PDE10A: variants seen among roughly 807,000 people sequenced by gnomAD.
PDE10A encodes the protein phosphodiesterase 10A, also known as cAMP and cAMP-inhibited cGMP 3',5'-cyclic phosphodiesterase 10A.
Under a neutral mutation model 97.7 loss-of-function variants are expected in PDE10A, and 39 were observed. The ratio of observed to expected loss-of-function variants is 0.40; its 90% CI spans 0.31 to 0.52. PDE10A has a LOEUF of 0.52. Among genes scored for constraint, PDE10A ranks in the 20% least tolerant of loss-of-function variants. The pLI is 0.56. For synonymous variants in PDE10A, 371 were observed against 376.8 expected (o/e 0.98, Z 0.18); for missense variants, 731 against 1,047.8 (o/e 0.70, Z 4.17).
intron 3 of PDE10A, among the ~76,000 whole-genome samples, chr6:165,472,314 G>A (rs1779061349): frequency 6.6e-6 from 1 of 151,574 alleles, no homozygotes; most frequent in African/African-American, 2.4e-5. Context: ...AATCTCCCTG[G>A]TGTCCATATT....
chr6:165,680,072 A>G (rs1790934316), intron 1 of PDE10A, among the ~76,000 whole-genome samples: 1 of 152,124 alleles, frequency 6.6e-6, no homozygotes, highest in Non-Finnish European at 1.5e-5. Flanking sequence ...TGGGGTACCC[A>G]TGTGGGTGCT....
intron 1 of PDE10A, among the ~76,000 whole-genome samples, chr6:165,950,181 T>C (rs1315048288): frequency 6.6e-6 from 1 of 152,170 alleles, no homozygotes; most frequent in Non-Finnish European, 1.5e-5. Flanking sequence ...ATGTTTAAAA[T>C]AAAATTGAAT....
In PDE10A at chr6:165,418,512, T is replaced by C. The variant is rs1788476205; in HGVS notation, c.1796+123A>G. On this transcript the variant is annotated intron_variant, in intron 11 of 21. Coordinates refer to ENST00000539869, the MANE Select transcript of PDE10A (RefSeq NM_001385079.1). This position sits in a 1 kb window ranked among gnomAD's most constrained non-coding sequence, Gnocchi z 4.8. The stretch of plus-strand genomic sequence containing the variant: ...ACTACCTTCAGGAGGCGGGTCCTGG[T>C]GGGAATGATATCACAGTATGACAAG... 1 of 890,326 alleles carries C rather than the reference T, an allele frequency of 1.1e-6. No individual in the cohort carries two copies. The allele number at this position is 890,326 out of a possible 1,614,324, so 55.2% of individuals were successfully genotyped here.
At position 165,392,429 on chromosome 6, in the gene PDE10A, T is replaced by G. The variant is rs567185958; in HGVS notation, c.2454+217A>C. Among the ~76,000 whole-genome samples the G allele has an allele frequency of 2.6e-5, 4 of 152,230 alleles. 1 individual carries two copies. Among genetic ancestry groups the G allele is most frequent in the Non-Finnish European group, 5.9e-5 (4 of 68,040 alleles). On this transcript the variant is annotated intron_variant, in intron 16 of 21. Coordinates refer to ENST00000539869, the MANE Select transcript of PDE10A (RefSeq NM_001385079.1). Reference sequence around the variant, plus strand: ...AATTAGTATTTCCTTGGGGGATATTTTGATGAAGTTAAAATTTCTTTTATC... The same window carrying G: ...AATTAGTATTTCCTTGGGGGATATTGTGATGAAGTTAAAATTTCTTTTATC...
chr6:165,786,887 C>T (rs997509270), intron 1 of PDE10A, among the ~76,000 whole-genome samples: 1 of 152,034 alleles, frequency 6.6e-6, no homozygotes, highest in African/African-American at 2.4e-5. Flanking sequence ...AATTAGGTTG[C>T]TAATTTCAAA....
chr6:165,694,772 G>A (rs1327196415), intron 1 of PDE10A, among the ~76,000 whole-genome samples: 1 of 152,192 alleles, frequency 6.6e-6, no homozygotes, highest in Admixed American at 6.5e-5. Flanking sequence ...AGATGAGAAG[G>A]GAATGTTGAT....
intron 1 of PDE10A, among the ~76,000 whole-genome samples, chr6:165,658,381 T>C (rs184989886): frequency 7.9e-5 from 12 of 152,300 alleles, no homozygotes; most frequent in African/African-American, 2.2e-4. Context: ...CCATTTTTTT[T>C]CCCATCTTAT....
chr6:165,928,194 G>C (rs1783005530), intron 1 of PDE10A, among the ~76,000 whole-genome samples: 1 of 152,078 alleles, frequency 6.6e-6, no homozygotes, highest in African/African-American at 2.4e-5. Flanking sequence ...TAAAAAGGGG[G>C]AAAACATGGG....
chr6:165,470,392 TA>T (rs1446092558), intron 3 of PDE10A, among the ~76,000 whole-genome samples: 2 of 152,248 alleles, frequency 1.3e-5, no homozygotes, highest in African/African-American at 4.8e-5. Context: ...CTTTGAAACT[TA>T]TTGAAAATTG....
At position 165,606,144 on chromosome 6, in the gene PDE10A, C is replaced by T. The variant is rs193207981; in HGVS notation, c.865+55803G>A. Among the ~76,000 whole-genome samples the T allele has an allele frequency of 7.6e-4, 86 of 112,578 alleles. 2 individuals carry two copies. The East Asian group carries it at 0.021, about 28-fold the overall frequency. 73.9% of individuals were successfully genotyped at this position (112,578 alleles called of 152,430 possible). A position where few individuals can be genotyped will look rare whatever the true frequency, so the allele number is the denominator to read the frequency against. ...GACCTTGAGCAAATTATTAACATTA[C>T]GAACAAGCGAAAAAAAAAAAAAAAA... is the stretch of plus-strand genomic sequence containing the variant. On this transcript the variant is annotated intron_variant, in intron 1 of 21. Transcript: ENST00000539869.
At position 165,735,156 on chromosome 6, in the gene PDE10A, G is replaced by A. The variant is rs190185707; in HGVS notation, c.-614-191588C>T. Reference sequence around the variant, plus strand: ...GGTAGATAAATAGGTAGGTAGGTAGGTGGATCAATAGGGAGATGATAGATC... The same window carrying A: ...GGTAGATAAATAGGTAGGTAGGTAGATGGATCAATAGGGAGATGATAGATC... On this transcript the variant is annotated intron_variant, in intron 1 of 19. Transcript: ENST00000366882. 2.3e-3 allele frequency among the ~76,000 whole-genome samples: 344 copies of A among 151,924 alleles called. 2 individuals are homozygous for A. The highest frequency in any genetic ancestry group is 8.0e-3 in the African/African-American group (331 of 41,434).
At chr6:165,481,973 G>C (rs1432342681) in intron 3 of PDE10A, among the ~76,000 whole-genome samples, 2 of 152,150 alleles carry the variant, frequency 1.3e-5, no homozygotes, top group Admixed American at 6.5e-5. Flanking sequence ...TGGGAAGACT[G>C]CTGCCCTGTG....
chr6:165,876,870 G>T (rs1781358233), intron 1 of PDE10A, among the ~76,000 whole-genome samples: 1 of 152,186 alleles, frequency 6.6e-6, no homozygotes, highest in Admixed American at 6.5e-5. Context: ...CTGAAGTCCT[G>T]AATCCAGCAA....
chr6:165,644,878 T>C (rs1351043859), intron 1 of PDE10A, among the ~76,000 whole-genome samples: 1 of 152,214 alleles, frequency 6.6e-6, no homozygotes, highest in Admixed American at 6.5e-5. Flanking sequence ...AGCGTGATTG[T>C]CTGGATTTAC....
intron 2 of PDE10A, among the ~76,000 whole-genome samples, chr6:165,489,788 G>A (rs1449664848): frequency 2.6e-5 from 4 of 152,090 alleles, no homozygotes; most frequent in East Asian, 1.9e-4. Flanking sequence ...GAGACACTTA[G>A]AGAATTGCAA....
chr6:165,482,149 C>T (rs1405638883), intron 3 of PDE10A, among the ~76,000 whole-genome samples, 166 bp downstream of exon 3: 1 of 152,182 alleles, frequency 6.6e-6, no homozygotes, highest in Admixed American at 6.5e-5. Flanking sequence ...TCAATTTGCA[C>T]CCTCTCTACT....
At chr6:165,871,715 A>G (rs1036775490) in intron 1 of PDE10A, among the ~76,000 whole-genome samples, 10 of 152,168 alleles carry the variant, frequency 6.6e-5, no homozygotes, top group African/African-American at 1.7e-4. Flanking sequence ...CAGGAAGAGC[A>G]CCCAAAGGCA....
chr6:165,881,919 C>T (rs1781490770), intron 1 of PDE10A, among the ~76,000 whole-genome samples: 1 of 152,122 alleles, frequency 6.6e-6, no homozygotes, highest in Non-Finnish European at 1.5e-5. Flanking sequence ...ATTATTTGTA[C>T]CTTATGCAAA....
chr6:165,381,386 T>C (rs560520864), intron 17 of PDE10A, among the ~76,000 whole-genome samples: 41 of 152,322 alleles, frequency 2.7e-4, no homozygotes, highest in African/African-American at 8.4e-4. Context: ...CATAGAGGGC[T>C]TTTATAATAA....
Sources: gnomAD v4.1 joint callset for allele counts (sites outside exome capture counted in the v4.1 genomes callset) on GRCh38, gnomAD v4.1.1 for gene constraint, Gnocchi (gnomAD v3.1) non-coding constraint, MANE v1.5 for transcripts, NCBI Gene and HGNC (gene_info 2026-07-23, HGNC 2026-07-21) for gene names.